DKK2: variants seen among roughly 807,000 people sequenced by gnomAD.
DKK2 encodes dickkopf Wnt signaling pathway inhibitor 2, also known as dickkopf-related protein 2.
DKK2 carries 11 observed loss-of-function variants against 28.1 expected under a neutral mutation model. That is an observed-to-expected ratio of 0.39 (90% CI 0.25 to 0.65). The LOEUF is 0.65. DKK2 is among the 30% of genes least tolerant of loss of function. The pLI is 0.47. For synonymous variants in DKK2, 135 were observed against 126.5 expected (o/e 1.07, Z -0.45); for missense variants, 326 against 335.5 (o/e 0.97, Z 0.22).
At chr4:107,012,106 T>C (rs995193164) in intron 1 of DKK2, among the ~76,000 whole-genome samples, 3 of 151,342 alleles carry the variant, frequency 2.0e-5, no homozygotes, top group African/African-American at 7.3e-5. Flanking sequence ...ACACCCTCCA[T>C]GTGTTACAAG....
chr4:106,933,914 A>C (rs1203224389), intron 1 of DKK2, among the ~76,000 whole-genome samples: 1 of 151,914 alleles, frequency 6.6e-6, no homozygotes, highest in Non-Finnish European at 1.5e-5. Context: ...AGTTTAAGTA[A>C]TTTTTAACAT....
At chr4:106,966,853 C>A (rs1560582125) in intron 1 of DKK2, among the ~76,000 whole-genome samples, 1 of 152,148 alleles carries the variant, frequency 6.6e-6, no homozygotes, top group Non-Finnish European at 1.5e-5. Flanking sequence ...GAAAGACCTA[C>A]CCTCATAATT....
chr4:107,005,851 C>A (rs1333563946), intron 1 of DKK2, among the ~76,000 whole-genome samples: 2 of 152,166 alleles, frequency 1.3e-5, no homozygotes, highest in Non-Finnish European at 2.9e-5. Context: ...ACCCTACTTA[C>A]AAGAAGTTGT....
At chr4:106,926,612 T>C (rs531183260) in intron 1 of DKK2, among the ~76,000 whole-genome samples, 2 of 152,238 alleles carry the variant, frequency 1.3e-5, no homozygotes, top group East Asian at 3.9e-4. Flanking sequence ...GCTCCAATTA[T>C]ATCATTATAT....
At chr4:107,015,994 A>G (rs923861561) in intron 1 of DKK2, among the ~76,000 whole-genome samples, 8 of 151,870 alleles carry the variant, frequency 5.3e-5, no homozygotes, top group African/African-American at 1.9e-4. Flanking sequence ...AAATTGGAAC[A>G]TATGATAAAT....
chr4:106,951,846 A>T (rs892010012), intron 1 of DKK2, among the ~76,000 whole-genome samples: 3 of 152,192 alleles, frequency 2.0e-5, no homozygotes, highest in African/African-American at 7.2e-5. Context: ...TCTGCAAAAT[A>T]TGGCTCCTAA....
intron 1 of DKK2, among the ~76,000 whole-genome samples, chr4:106,993,898 C>T (rs1438845216): frequency 6.6e-6 from 1 of 152,040 alleles, no homozygotes; most frequent in Non-Finnish European, 1.5e-5. Context: ...AGAAAATTGG[C>T]AGGAGTCATG....
At chr4:107,000,882 G>A (rs548483226) in intron 1 of DKK2, among the ~76,000 whole-genome samples, 2 of 152,228 alleles carry the variant, frequency 1.3e-5, no homozygotes, top group East Asian at 3.9e-4. Flanking sequence ...ACTCATAAGA[G>A]TTGAGACAAA....
chr4:106,935,123 C>T (rs559834122), intron 1 of DKK2, among the ~76,000 whole-genome samples: 1 of 152,134 alleles, frequency 6.6e-6, no homozygotes. Context: ...CCAAGATGGC[C>T]GAATAGGAAC....
intron 1 of DKK2, among the ~76,000 whole-genome samples, chr4:106,984,625 C>T (rs1237662299): frequency 6.6e-6 from 1 of 152,172 alleles, no homozygotes; most frequent in African/African-American, 2.4e-5. Context: ...GTATATACCA[C>T]ATTTTGTTTA....
chr4:107,007,955 G>C (rs1292871740), intron 1 of DKK2, among the ~76,000 whole-genome samples: 4 of 152,100 alleles, frequency 2.6e-5, no homozygotes. Context: ...TTCCCAGAGT[G>C]AGAAAGCTTC....
chr4:106,994,520 T>C (rs892078040), intron 1 of DKK2, among the ~76,000 whole-genome samples: 12 of 148,550 alleles, frequency 8.1e-5, no homozygotes, highest in South Asian at 4.3e-4. Context: ...CACACACACA[T>C]AGGACAAGTT....
intron 1 of DKK2, among the ~76,000 whole-genome samples, chr4:106,982,298 G>T (rs1723038120): frequency 6.6e-6 from 1 of 152,118 alleles, no homozygotes; most frequent in South Asian, 2.1e-4. Flanking sequence ...GATAAGGAGA[G>T]AAAAGAGAGA....
At chr4:107,001,790 A>C (rs1723363477) in intron 1 of DKK2, among the ~76,000 whole-genome samples, 1 of 152,248 alleles carries the variant, frequency 6.6e-6, no homozygotes, top group Non-Finnish European at 1.5e-5. Context: ...ACCTAAAAGA[A>C]TGAAAGACTA....
intron 1 of DKK2, among the ~76,000 whole-genome samples, chr4:106,963,844 C>T (rs1722728834): frequency 2.0e-5 from 3 of 152,252 alleles, no homozygotes; most frequent in East Asian, 3.9e-4. Flanking sequence ...TATTGTGCTA[C>T]CAAACACTAG....
chr4:106,960,474 T>C (rs1375854930), intron 1 of DKK2, among the ~76,000 whole-genome samples: 2 of 152,072 alleles, frequency 1.3e-5, no homozygotes, highest in Non-Finnish European at 2.9e-5. Context: ...GGGAACAATG[T>C]ACACTACCCA....
intron 1 of DKK2, among the ~76,000 whole-genome samples, chr4:107,004,474 A>G (rs546209980): frequency 4.9e-4 from 75 of 152,358 alleles, no homozygotes; most frequent in Non-Finnish European, 6.3e-4. Flanking sequence ...GCCATTATCC[A>G]TAAGTTACCT....
intron 1 of DKK2, among the ~76,000 whole-genome samples, chr4:107,008,648 C>A (rs1723473476): frequency 6.6e-6 from 1 of 151,914 alleles, no homozygotes; most frequent in Non-Finnish European, 1.5e-5. Flanking sequence ...CTTGGAGCCA[C>A]AATGTAGAAG....
At chr4:107,022,878 T>C (rs1244215485) in intron 1 of DKK2, among the ~76,000 whole-genome samples, 1 of 152,076 alleles carries the variant, frequency 6.6e-6, no homozygotes, top group Non-Finnish European at 1.5e-5. Context: ...GAAGCCTAGA[T>C]TGTTTCTAAC....
Sources: allele counts gnomAD v4.1 joint callset (sites outside exome capture counted in the v4.1 genomes callset), GRCh38; gene constraint gnomAD v4.1.1; transcripts MANE v1.5; gene names NCBI Gene and HGNC (gene_info 2026-07-23, HGNC 2026-07-21).